NBPF11: variants seen among roughly 807,000 people sequenced by gnomAD.
The protein encoded by NBPF11 is NBPF family member NBPF11.
A neutral mutation model predicts 93.9 loss-of-function variants in NBPF11; 72 were observed. The observed-to-expected ratio is 0.77, with a 90% CI of 0.63 to 0.93. NBPF11 has a LOEUF of 0.93. Ranked by LOEUF, NBPF11 falls within the 40% of genes least tolerant of loss-of-function variation. The probability of loss-of-function intolerance (pLI) is 0.00; values close to 1 mark genes in which losing one functional copy is unlikely to be tolerated. For missense variants in NBPF11, 705 were observed against 802.2 expected (o/e 0.88, Z 1.46); for synonymous variants, 224 against 304.9 (o/e 0.73, Z 2.76).
intron 1 of NBPF11, among the ~76,000 whole-genome samples, chr1:148,143,932 C>T (rs1445337170): frequency 6.8e-6 from 1 of 147,118 alleles, no homozygotes; most frequent in African/African-American, 2.5e-5. Context: ...TGGTGGCGCA[C>T]ACTTGCACTC....
intron 1 of NBPF11, among the ~76,000 whole-genome samples, chr1:148,150,347 G>A (rs1365641515): frequency 4.7e-5 from 7 of 150,144 alleles, no homozygotes; most frequent in Non-Finnish European, 8.9e-5. Flanking sequence ...CAAGTGATCC[G>A]CCCACCTTGG....
chr1:148,121,340 G>A (rs1667781200), intron 9 of NBPF11, among the ~76,000 whole-genome samples: 1 of 147,060 alleles, frequency 6.8e-6, no homozygotes, highest in Non-Finnish European at 1.5e-5. Context: ...AGCGTCCCTG[G>A]TCAGAGACTT....
rs1467444476 is a variant in NBPF11, at chr1:148,141,631, C to T, written c.-277+1784G>A. ...GCCATTTACCTCTAACCCTGGGGTG[C>T]CCCCGGAACACAGCTAGCAGATCAG... On this transcript the variant is annotated intron_variant, in intron 2 of 23. Transcript: ENST00000682118. Among the ~76,000 whole-genome samples the T allele has an allele frequency of 9.1e-4, 138 of 151,928 alleles. No homozygotes were observed. In the Middle Eastern group the frequency reaches 0.014, roughly 15 times the overall value.
chr1:148,116,963 T>G (rs1345714608), intron 12 of NBPF11, among the ~76,000 whole-genome samples: 1 of 152,232 alleles, frequency 6.6e-6, no homozygotes, highest in African/African-American at 2.4e-5. Flanking sequence ...AGCCTCCAAG[T>G]GGCTTCTGCT....
intron 1 of NBPF11, among the ~76,000 whole-genome samples, chr1:148,147,877 C>T (rs1212784582): frequency 1.3e-5 from 2 of 152,048 alleles, no homozygotes; most frequent in African/African-American, 2.4e-5. Flanking sequence ...GTCACACCTG[C>T]CATGGCCAGC....
At chr1:148,148,757 C>T (rs1478868397) in intron 1 of NBPF11, among the ~76,000 whole-genome samples, 8 of 151,966 alleles carry the variant, frequency 5.3e-5, no homozygotes, top group Non-Finnish European at 8.8e-5. Context: ...GCACCAGGAA[C>T]GGCTTTCTAA....
intron 15 of NBPF11, among the ~76,000 whole-genome samples, chr1:148,112,060 C>A (rs1200114249): frequency 7.0e-6 from 1 of 143,380 alleles, no homozygotes; most frequent in Non-Finnish European, 1.5e-5. Flanking sequence ...TCTCTTGGCA[C>A]AAACCCTACA....
intron 12 of NBPF11, among the ~76,000 whole-genome samples, chr1:148,116,892 C>T (rs1666691656): frequency 1.3e-5 from 2 of 152,194 alleles, no homozygotes; most frequent in South Asian, 4.1e-4. Context: ...GCATTTCAAA[C>T]CTAATTCTTT....
chr1:148,141,577 T>C (rs1434852924), intron 2 of NBPF11, among the ~76,000 whole-genome samples: 19 of 152,006 alleles, frequency 1.2e-4, no homozygotes, highest in African/African-American at 4.4e-4. Context: ...CAACCTGGAG[T>C]CAGAGCAGTT....
At chr1:148,140,566 T>A (rs1227149989) in intron 2 of NBPF11, among the ~76,000 whole-genome samples, 1 of 145,046 alleles carries the variant, frequency 6.9e-6, no homozygotes. Flanking sequence ...TTCTGAGAAC[T>A]AAACAACACA....
At chr1:148,108,341 T>C in intron 18 of NBPF11, 141 bp downstream of exon 18, 1 of 669,774 alleles carries the variant, frequency 1.5e-6, no homozygotes, top group Non-Finnish European at 2.7e-6. Context: ...GGAACTAGAG[T>C]TTCACTCAAC....
intron 1 of NBPF11, among the ~76,000 whole-genome samples, chr1:148,144,790 C>T (rs1242071056): frequency 1.3e-5 from 2 of 151,900 alleles, no homozygotes; most frequent in South Asian, 2.1e-4. Context: ...CTGGGCACCA[C>T]AGGAAGACCC....
Position 148,132,652 on chromosome 1 carries a change from T to G in NBPF11, c.-36+3020A>C, listed in dbSNP as rs1481441746. ...GTTTATCTCCCCACTAATTTAGTTC[T>G]TTCATAATTTCTCAAAGCAATTTTT... On this transcript the variant is annotated intron_variant, in intron 4 of 23. Transcript: ENST00000682118. Among the ~76,000 whole-genome samples, 3 of 147,702 alleles carry G rather than the reference T, an allele frequency of 2.0e-5. No homozygotes were observed. The East Asian group carries it at 5.9e-4, about 29-fold the overall frequency.
chr1:148,140,747 A>G (rs1672037214), intron 2 of NBPF11, among the ~76,000 whole-genome samples: 1 of 151,992 alleles, frequency 6.6e-6, no homozygotes. Context: ...AACGGTGAAC[A>G]CACCAAATGC....
In NBPF11 at chr1:148,152,028, C is replaced by T. The variant is rs1648507110; in HGVS notation, c.-827G>A. ...AGGAGAGCCCAAGGCACAGGCGCAG[C>T]TGGGCCTTAAAGGGACCCGGCTGCC... On this transcript the variant is annotated 5_prime_UTR_variant, in exon 1 of 24. Transcript: ENST00000682118. The T allele has an allele frequency of 6.6e-6, 1 of 152,126 alleles. No homozygotes were observed. The highest frequency in any genetic ancestry group is 1.5e-5 in the Non-Finnish European group (1 of 68,068). The allele number at this position is 152,126 out of a possible 1,614,324, so 9.4% of individuals were successfully genotyped here.
chr1:148,112,262 C>A lies in NBPF11; in HGVS notation c.1638-1721G>T, dbSNP rs1665478244. ...TGGTGTGCTTCACCCATTAACTCAT[C>A]ATTTAACATTAGGTATATCTCCTAA... is the stretch of plus-strand genomic sequence containing the variant. On this transcript the variant is annotated intron_variant, in intron 15 of 23. Transcript: ENST00000682118. Among the ~76,000 whole-genome samples, 5 of 145,398 alleles carry A rather than the reference C, an allele frequency of 3.4e-5. No individual in the cohort carries two copies. In the Admixed American group the frequency reaches 3.4e-4, roughly 10 times the overall value.
At chr1:148,140,372 T>C (rs1292163658) in intron 2 of NBPF11, among the ~76,000 whole-genome samples, 1 of 151,618 alleles carries the variant, frequency 6.6e-6, no homozygotes, top group Non-Finnish European at 1.5e-5. Flanking sequence ...TGATGGCTTC[T>C]TAAATACAAA....
At position 148,105,589 on chromosome 1, in the gene NBPF11, A is replaced by G. The variant is rs1351045862; in HGVS notation, c.2304-61T>C. 16 of 716,480 alleles carry G rather than the reference A, an allele frequency of 2.2e-5. 1 individual carries two copies. The African/African-American group carries it at 2.7e-4, about 12-fold the overall frequency. The allele number at this position is 716,480 out of a possible 1,614,324, so 44.4% of individuals were successfully genotyped here. ...GGAAATCACACACAACAGAGCCCCA[A>G]CTAGGTTTCATGGGTAGCATAAGGA... On this transcript the variant is annotated intron_variant, in intron 21 of 23. Transcript: ENST00000682118.
At chr1:148,111,597 C>T (rs1353689053) in intron 15 of NBPF11, among the ~76,000 whole-genome samples, 6 of 151,070 alleles carry the variant, frequency 4.0e-5, no homozygotes, top group Non-Finnish European at 8.8e-5. Context: ...ACGAAAACTA[C>T]GTGATGCATG....
Sources: allele counts gnomAD v4.1 joint callset (sites outside exome capture counted in the v4.1 genomes callset), GRCh38; gene constraint gnomAD v4.1.1; transcripts MANE v1.5; gene names NCBI Gene and HGNC (gene_info 2026-07-23, HGNC 2026-07-21).